Variants in ZDHHC6 observed in about 807,000 individuals in gnomAD.
The protein encoded by ZDHHC6 is palmitoyltransferase ZDHHC6.
A neutral mutation model predicts 57.8 loss-of-function variants in ZDHHC6; 32 were observed. The ratio of observed to expected loss-of-function variants is 0.55; its 90% CI spans 0.42 to 0.74. The LOEUF is 0.74. ZDHHC6 is among the 30% of genes least tolerant of loss of function. The pLI is 0.00. For synonymous variants in ZDHHC6, 128 were observed against 158.0 expected, an observed-to-expected ratio of 0.81 and a Z score of 1.42; for missense variants, 433 against 500.7, an observed-to-expected ratio of 0.86 and a Z score of 1.29.
chr10:112,442,769 T>G (rs1434810297), intron 3 of ZDHHC6, among the ~76,000 whole-genome samples: 1 of 152,180 alleles, frequency 6.6e-6, no homozygotes, highest in Admixed American at 6.5e-5. Flanking sequence ...GTGGGGTTAA[T>G]GGGCTCAAAT....
downstream of ZDHHC6, among the ~76,000 whole-genome samples, chr10:112,429,904 G>A (rs897219478): frequency 5.3e-5 from 8 of 151,268 alleles, no homozygotes; most frequent in East Asian, 1.9e-4. Context: ...CACAGCACCC[G>A]GGCTTGGCCT....
downstream of ZDHHC6, chr10:112,428,381 CG>C (rs1484277431): frequency 7.5e-6 from 3 of 398,358 alleles, no homozygotes; most frequent in Admixed American, 1.3e-4. Context: ...CAGATACTTA[CG>C]TTGTGGTGTT....
intron 4 of ZDHHC6, 131 bp downstream of exon 4, chr10:112,442,061 T>C (rs1228047810): frequency 2.7e-6 from 3 of 1,122,654 alleles, no homozygotes; most frequent in Non-Finnish European, 3.6e-6. Context: ...CATATACCAG[T>C]AAAACAAAGT....
At chr10:112,427,344 C>T (rs764355641), downstream of ZDHHC6, 14 of 1,612,596 alleles carry the variant, frequency 8.7e-6, no homozygotes, top group Non-Finnish European at 6.8e-6. Flanking sequence ...CCTGTATGAG[C>T]ACATCCAGGA....
chr10:112,426,335 C>T (rs201398022), downstream of ZDHHC6: 7 of 1,614,020 alleles, frequency 4.3e-6, no homozygotes, highest in Non-Finnish European at 5.9e-6. Context: ...TGAAGGGCTC[C>T]TTTGAGGAAC....
At chr10:112,426,293 T>G (rs1293806459), downstream of ZDHHC6, 9 of 1,614,184 alleles carry the variant, frequency 5.6e-6, no homozygotes, top group Admixed American at 5.0e-5. Context: ...CTGACACAGA[T>G]GTACTTCCCT....
chr10:112,426,743 G>A, downstream of ZDHHC6: 1 of 1,573,360 alleles, frequency 6.4e-7, no homozygotes, highest in East Asian at 2.2e-5. Context: ...AGCCCTTCAG[G>A]CTTTTTGAAA....
downstream of ZDHHC6, chr10:112,430,238 A>G (rs1844906609): frequency 6.6e-6 from 1 of 152,312 alleles, no homozygotes; most frequent in Admixed American, 6.5e-5. Context: ...CAGTTTTTCC[A>G]TAAGGAACTA....
intron 10 of ZDHHC6, among the ~76,000 whole-genome samples, chr10:112,431,799 A>G (rs960522408): frequency 5.9e-5 from 9 of 152,046 alleles, no homozygotes; most frequent in Non-Finnish European, 1.3e-4. Flanking sequence ...AAATGCTCAA[A>G]GTGGGGGCAG....
At chr10:112,447,257 T>C, upstream of ZDHHC6, 1 of 1,098,900 alleles carries the variant, frequency 9.1e-7, no homozygotes, top group Non-Finnish European at 1.3e-6. Context: ...TCCCCGGTTC[T>C]CCGTTCTGCT....
intron 4 of ZDHHC6, among the ~76,000 whole-genome samples, chr10:112,441,943 T>C (rs1846156083): frequency 1.3e-5 from 2 of 152,218 alleles, no homozygotes; most frequent in Admixed American, 6.5e-5. Context: ...AAATTACATA[T>C]ACAGTACTAA....
chr10:112,425,464 C>T (rs1280716079), downstream of ZDHHC6: 11 of 1,611,986 alleles, frequency 6.8e-6, no homozygotes, highest in African/African-American at 1.3e-5. Context: ...AATTTTTGTA[C>T]ACGGGGAGAG....
downstream of ZDHHC6, chr10:112,425,318 CT>C (rs776679300): frequency 1.9e-6 from 3 of 1,589,388 alleles, no homozygotes; most frequent in Admixed American, 3.5e-5. Context: ...AATACTGATA[CT>C]TTTATCTGTC....
intron 5 of ZDHHC6, 56 bp downstream of exon 5, chr10:112,440,478 G>A: frequency 1.3e-6 from 2 of 1,529,722 alleles, no homozygotes; most frequent in Non-Finnish European, 1.8e-6. Context: ...TCTCTTTCTT[G>A]TGCAATCAGT....
chr10:112,427,496 T>A, downstream of ZDHHC6: 1 of 751,968 alleles, frequency 1.3e-6, no homozygotes. Context: ...GCTTTTGTTT[T>A]ATATTGAGAC....
chr10:112,440,799 G>T, intron 4 of ZDHHC6, 104 bp from the exon 5 acceptor site: 2 of 1,033,028 alleles, frequency 1.9e-6, no homozygotes, highest in Non-Finnish European at 2.6e-6. Context: ...TAACAACGTG[G>T]CCCTGTGGCC....
exon 12 of ZDHHC6, chr10:112,424,647 G>C (rs1323996701): frequency 6.6e-6 from 1 of 152,220 alleles, no homozygotes; most frequent in Admixed American, 6.5e-5. Context: ...CCTTGTGATA[G>C]TTCCAGTGTT....
downstream of ZDHHC6, chr10:112,428,545 A>T (rs936006706): frequency 1.3e-5 from 5 of 392,626 alleles, no homozygotes; most frequent in Non-Finnish European, 2.2e-5. Flanking sequence ...GCCGAGGCGG[A>T]CGGATCATGA....
At chr10:112,440,716 C>T in intron 4 of ZDHHC6, 21 bp from the exon 5 acceptor site, 2 of 1,600,266 alleles carry the variant, frequency 1.2e-6, no homozygotes, top group Non-Finnish European at 1.7e-6. Flanking sequence ...AACAATAGCA[C>T]ACGCACAAAA....
Sources: gnomAD v4.1 joint callset for allele counts (sites outside exome capture counted in the v4.1 genomes callset) on GRCh38, gnomAD v4.1.1 for gene constraint, MANE v1.5 for transcripts, NCBI Gene and HGNC (gene_info 2026-07-23, HGNC 2026-07-21) for gene names.